DPP10: variants seen among roughly 807,000 people sequenced by gnomAD.
DPP10 encodes the protein dipeptidyl peptidase like 10.
Under a neutral mutation model 120.9 loss-of-function variants are expected in DPP10, and 33 were observed. The observed-to-expected ratio is 0.27, with a 90% confidence interval of 0.21 to 0.37. The LOEUF is 0.37. Among genes scored for constraint, DPP10 ranks in the 10% least tolerant of loss-of-function variants. The pLI, the probability that DPP10 is intolerant of heterozygous loss-of-function variation, is 1.00. For missense variants in DPP10, 816 were observed against 942.8 expected (o/e 0.87, Z 1.76); for synonymous variants, 337 against 326.1 (o/e 1.03, Z -0.36).
chr2:114,577,343 G>T (rs910087106), intron 1 of DPP10, among the ~76,000 whole-genome samples: 1 of 152,120 alleles, frequency 6.6e-6, no homozygotes, highest in African/African-American at 2.4e-5. Context: ...GTTTGTTTGC[G>T]AGTTCCCTTG....
intron 7 of DPP10, among the ~76,000 whole-genome samples, chr2:115,699,448 A>G (rs1212162201): frequency 6.6e-6 from 1 of 152,164 alleles, no homozygotes; most frequent in African/African-American, 2.4e-5. Context: ...CTAAAAATAC[A>G]AAGATTAGCT....
At chr2:115,298,452 G>A (rs889455277) in intron 1 of DPP10, among the ~76,000 whole-genome samples, 1 of 152,044 alleles carries the variant, frequency 6.6e-6, no homozygotes, top group Admixed American at 6.6e-5. Flanking sequence ...TCAGAACTGT[G>A]TCACTCCAGG....
chr2:115,015,482 T>C (rs1433191337), intron 1 of DPP10, among the ~76,000 whole-genome samples: 1 of 152,118 alleles, frequency 6.6e-6, no homozygotes, highest in Non-Finnish European at 1.5e-5. Flanking sequence ...TTCAACATAG[T>C]ACTGGAAGTT....
chr2:115,142,545 A>T (rs1232706409), intron 1 of DPP10, among the ~76,000 whole-genome samples: 1 of 152,168 alleles, frequency 6.6e-6, no homozygotes, highest in African/African-American at 2.4e-5. Flanking sequence ...TTTCAAAGAG[A>T]TTTACTGCAG....
intron 1 of DPP10, among the ~76,000 whole-genome samples, chr2:114,940,298 C>A (rs978913353): frequency 6.6e-6 from 1 of 152,120 alleles, no homozygotes; most frequent in African/African-American, 2.4e-5. Context: ...TGACACACAA[C>A]ACTTTGGATG....
In DPP10 at chr2:114,962,092, G is replaced by A. The variant is rs558180012; in HGVS notation, c.61-347147G>A. Reference sequence around the variant, plus strand: ...GCTATTGCTCACTATTATTTATTGAGGGCTCATTATGTGCTATACTCTTTT... The same window carrying A: ...GCTATTGCTCACTATTATTTATTGAAGGCTCATTATGTGCTATACTCTTTT... On this transcript the variant is annotated intron_variant, in intron 1 of 25. Coordinates refer to ENST00000410059, the MANE Select transcript of DPP10 (RefSeq NM_020868.6). Among the ~76,000 whole-genome samples the A allele has an allele frequency of 1.5e-3, 222 of 152,134 alleles. 2 individuals carry two copies. Among genetic ancestry groups the A allele is most frequent in the African/African-American group, 5.1e-3 (212 of 41,494 alleles).
At chr2:115,290,366 C>A (rs539472020) in intron 1 of DPP10, among the ~76,000 whole-genome samples, 1 of 151,966 alleles carries the variant, frequency 6.6e-6, no homozygotes, top group Admixed American at 6.5e-5. Context: ...GATTAATTGA[C>A]GGGTGGATTA....
chr2:115,670,815 G>A lies in DPP10; in HGVS notation c.442-18872G>A, dbSNP rs116117793. 5.2e-3 allele frequency among the ~76,000 whole-genome samples: 793 copies of A among 152,094 alleles called. 7 individuals carry two copies. The highest frequency in any genetic ancestry group is 0.018 in the African/African-American group (765 of 41,514). Reference sequence around the variant, plus strand: ...GACATTGCTCTGATCCCAATGATAGGCCAAATAAAAGTTAGATTAAAAGGC... The same window carrying A: ...GACATTGCTCTGATCCCAATGATAGACCAAATAAAAGTTAGATTAAAAGGC... On this transcript the variant is annotated intron_variant, in intron 5 of 25. Coordinates refer to ENST00000410059, the MANE Select transcript of DPP10 (RefSeq NM_020868.6).
intron 5 of DPP10, among the ~76,000 whole-genome samples, chr2:115,605,545 T>G (rs1438459063): frequency 1.3e-5 from 2 of 152,050 alleles, no homozygotes; most frequent in Non-Finnish European, 2.9e-5. Context: ...GATCTTAATT[T>G]CGCTTTTTTT....
chr2:114,622,298 T>C (rs1173451364), intron 1 of DPP10, among the ~76,000 whole-genome samples: 2 of 152,098 alleles, frequency 1.3e-5, no homozygotes, highest in Admixed American at 6.6e-5. Flanking sequence ...GAAAATATGG[T>C]TCAAAAGAAA....
intron 1 of DPP10, among the ~76,000 whole-genome samples, chr2:114,490,378 C>T (rs1164197184): frequency 1.3e-5 from 2 of 151,966 alleles, no homozygotes; most frequent in African/African-American, 2.4e-5. Context: ...GAAGGCCCAA[C>T]ACCCATTTCA....
intron 1 of DPP10, among the ~76,000 whole-genome samples, chr2:114,661,744 T>C (rs879766163): frequency 6.6e-5 from 10 of 152,210 alleles, no homozygotes; most frequent in Non-Finnish European, 1.3e-4. Flanking sequence ...GTAGACTCCA[T>C]GGCATTTGGA....
chr2:115,097,943 G>A (rs2048482842), intron 1 of DPP10, among the ~76,000 whole-genome samples: 2 of 152,144 alleles, frequency 1.3e-5, no homozygotes, highest in South Asian at 4.1e-4. Flanking sequence ...ACTGGAAATT[G>A]CCTTGGAATT....
At chr2:114,862,972 T>A (rs1689944212) in intron 1 of DPP10, among the ~76,000 whole-genome samples, 1 of 151,978 alleles carries the variant, frequency 6.6e-6, no homozygotes, top group Non-Finnish European at 1.5e-5. Flanking sequence ...TCAATAATCA[T>A]GAATTAAACA....
At chr2:115,244,648 C>T (rs1478928521) in intron 1 of DPP10, among the ~76,000 whole-genome samples, 4 of 151,904 alleles carry the variant, frequency 2.6e-5, no homozygotes, top group African/African-American at 9.7e-5. Flanking sequence ...GTGTACCTTA[C>T]ATTTTCATCC....
intron 1 of DPP10, among the ~76,000 whole-genome samples, chr2:114,850,097 G>C (rs562514519): frequency 6.8e-6 from 1 of 147,888 alleles, no homozygotes; most frequent in South Asian, 2.2e-4. Context: ...TGTTGCCCAG[G>C]CTGGACTTGA....
intron 17 of DPP10, among the ~76,000 whole-genome samples, chr2:115,789,602 G>A (rs1231215561): frequency 6.6e-6 from 1 of 152,074 alleles, no homozygotes; most frequent in Non-Finnish European, 1.5e-5. Context: ...GCAACATTGT[G>A]GTAGAGGACT....
At chr2:115,161,674 C>G (rs2052373000) in intron 1 of DPP10, 2 of 332,372 alleles carry the variant, frequency 6.0e-6, no homozygotes, top group Non-Finnish European at 1.1e-5. Context: ...ACTAACTTGC[C>G]GCTTGGTCTC....
At chr2:115,487,180 AGGACCT>A (rs1338265090) in intron 3 of DPP10, among the ~76,000 whole-genome samples, 1 of 148,464 alleles carries the variant, frequency 6.7e-6, no homozygotes, top group South Asian at 2.2e-4. Flanking sequence ...AGGGATGTGA[AGGACCT>A]CTTCAAGGAG....
Sources: gnomAD v4.1 joint callset for allele counts (sites outside exome capture counted in the v4.1 genomes callset) on GRCh38, gnomAD v4.1.1 for gene constraint, MANE v1.5 for transcripts, NCBI Gene and HGNC (gene_info 2026-07-23, HGNC 2026-07-21) for gene names.